Variants in SLC4A8 observed in about 807,000 individuals in gnomAD.
The protein encoded by SLC4A8 is electroneutral sodium bicarbonate exchanger 1.
A neutral mutation model predicts 125.0 loss-of-function variants in SLC4A8; 40 were observed. The observed-to-expected ratio is 0.32, with a 90% CI of 0.25 to 0.42. The LOEUF is 0.42. Among genes scored for constraint, SLC4A8 ranks in the 10% least tolerant of loss-of-function variants. SLC4A8 has a pLI of 1.00. For synonymous variants in SLC4A8, 456 were observed against 476.0 expected (o/e 0.96, Z 0.55); for missense variants, 863 against 1,355.1 (o/e 0.64, Z 5.70).
intron 11 of SLC4A8, 76 bp from the exon 12 acceptor site, chr12:51,469,538 C>CA: frequency 3.8e-6 from 5 of 1,312,268 alleles, no homozygotes; most frequent in African/African-American, 1.5e-5. Flanking sequence ...ATTTGAAATG[C>CA]TTTCAAATGT....
chr12:51,497,688 A>ATAAG (rs1429964599), intron 22 of SLC4A8: 4 of 152,412 alleles, frequency 2.6e-5, no homozygotes. Flanking sequence ...GTGTTTCCAA[A>ATAAG]TACAGTTAGT....
At position 51,451,025 on chromosome 12, in the gene SLC4A8, A is replaced by C; in HGVS notation, c.277+3A>C. On this transcript the variant is annotated splice_donor_region_variant and intron_variant, in intron 3 of 24. Coordinates refer to ENST00000453097, the MANE Select transcript of SLC4A8 (RefSeq NM_001039960.3). ...AGGCCTGGAAGCCCTGGCCCACGGTAAGGGCCTTGGGAGACAGGGCGGGTG... is the reference window on the plus strand; with the variant it reads ...AGGCCTGGAAGCCCTGGCCCACGGTCAGGGCCTTGGGAGACAGGGCGGGTG... The C allele has an allele frequency of 6.6e-7, 1 of 1,504,722 alleles. No homozygotes were observed. The highest frequency in any genetic ancestry group is 8.9e-7 in the Non-Finnish European group (1 of 1,125,214). The allele number at this position is 1,504,722 out of a possible 1,614,324, so 93.2% of individuals were successfully genotyped here.
chr12:51,420,588 A>G (rs978102028), upstream of SLC4A8, among the ~76,000 whole-genome samples: 1 of 152,208 alleles, frequency 6.6e-6, no homozygotes, highest in Non-Finnish European at 1.5e-5. Flanking sequence ...TTATCTGAAA[A>G]AGAGAATCCA....
chr12:51,418,670 GA>G (rs1454251350), intron 1 of SLC4A8, among the ~76,000 whole-genome samples: 1 of 152,080 alleles, frequency 6.6e-6, no homozygotes, highest in Non-Finnish European at 1.5e-5. Flanking sequence ...GTTAGAGATA[GA>G]AAAAAGATAA....
At position 51,425,000 on chromosome 12, in the gene SLC4A8, G is replaced by C. The variant is rs949068309; in HGVS notation, c.13G>C (p.Gly5Arg). The C allele has an allele frequency of 1.3e-6, 2 of 1,556,268 alleles. No individual in the cohort carries two copies. The highest frequency in any genetic ancestry group is 2.7e-5 in the African/African-American group (2 of 73,290). ...GTTCGGCTCCGCCATGCCGGCCGCC[G>C]GGAGTAACGAGCCGGACGGCGTCCT... MPAAGSNEPDGVLSY... is the reference protein window; with the variant it reads MPAARSNEPDGVLSY... Residue 5 changes from glycine (G) to arginine (R), a missense_variant, in exon 1 of 25, where the codon GGG becomes CGG. By Grantham distance (125) the Gly-to-Arg change is moderately radical (BLOSUM62 -2). Around this residue, in one of 6 missense-constraint regions of SLC4A8, gnomAD observed 104 missense variants for 116.4 expected, o/e 0.89. Transcript: ENST00000453097.
intron 7 of SLC4A8, 52 bp from the exon 8 acceptor site, chr12:51,459,899 A>C: frequency 6.7e-7 from 1 of 1,487,888 alleles, no homozygotes. Context: ...TTTAAAAACG[A>C]TATTTAAGGT....
At chr12:51,433,533 A>T (rs1565771735) in intron 1 of SLC4A8, among the ~76,000 whole-genome samples, 1 of 152,214 alleles carries the variant, frequency 6.6e-6, no homozygotes, top group Admixed American at 6.5e-5. Context: ...AAAAGTGCAC[A>T]TTCACACATA....
chr12:51,477,454 T>C (rs1218703492), intron 16 of SLC4A8, among the ~76,000 whole-genome samples: 2 of 152,220 alleles, frequency 1.3e-5, no homozygotes, highest in African/African-American at 4.8e-5. Context: ...AGTTTATCCC[T>C]TTAAGTGCTG....
chr12:51,482,600 G>A (rs965376790), intron 16 of SLC4A8, among the ~76,000 whole-genome samples: 6 of 152,030 alleles, frequency 3.9e-5, no homozygotes, highest in East Asian at 3.9e-4. Flanking sequence ...GGCTGGTCTC[G>A]AATTCCTGAC....
chr12:51,475,546 G>C (rs1471039986), intron 16 of SLC4A8, among the ~76,000 whole-genome samples: 1 of 152,216 alleles, frequency 6.6e-6, no homozygotes, highest in East Asian at 1.9e-4. Context: ...GCTACAGCTG[G>C]CTCCTGAATA....
chr12:51,459,859 ACT>A (rs1446111040), intron 7 of SLC4A8, 90 bp from the exon 8 acceptor site: 2 of 1,115,648 alleles, frequency 1.8e-6, no homozygotes, highest in African/African-American at 3.1e-5. Flanking sequence ...ATGTAGTGAG[ACT>A]CTGTCTCAAA....
At chr12:51,399,818 C>T (rs1465866345) in intron 1 of SLC4A8, among the ~76,000 whole-genome samples, 2 of 152,200 alleles carry the variant, frequency 1.3e-5, no homozygotes, top group East Asian at 1.9e-4. Context: ...GCTGTCTCTA[C>T]TAAAATACAA....
At chr12:51,436,554 TC>T (rs1387603596) in intron 1 of SLC4A8, among the ~76,000 whole-genome samples, 4 of 152,170 alleles carry the variant, frequency 2.6e-5, no homozygotes, top group South Asian at 4.1e-4. Context: ...CCCTCCCTCC[TC>T]TCTAGGTAAC....
At position 51,504,022 on chromosome 12, in the gene SLC4A8, C is replaced by T. The variant is rs1354767479; in HGVS notation, c.3082-7C>T. On this transcript the variant is annotated splice_polypyrimidine_tract_variant and splice_region_variant and intron_variant, in intron 22 of 24. Transcript: ENST00000453097. ...CCAAGATATAATAATGTTTCTTTTT[C>T]TTCCAGGAGGCTGAGAAAATGTTAG... is the stretch of plus-strand genomic sequence containing the variant. 1 of 1,538,212 alleles carries T rather than the reference C, an allele frequency of 6.5e-7. No homozygotes were observed. The highest frequency in any genetic ancestry group is 8.9e-7 in the Non-Finnish European group (1 of 1,128,220).
chr12:51,451,227 C>A (rs1272633546), intron 3 of SLC4A8, among the ~76,000 whole-genome samples: 3 of 152,100 alleles, frequency 2.0e-5, no homozygotes, highest in African/African-American at 7.2e-5. Context: ...GGACTACAGG[C>A]GCCCGCCACC....
chr12:51,469,866 GA>G (rs1950641978), intron 12 of SLC4A8, 78 bp downstream of exon 12: 1 of 1,328,748 alleles, frequency 7.5e-7, no homozygotes, highest in Non-Finnish European at 1.1e-6. Context: ...CACTGTGGGG[GA>G]AATTACTTGG....
At chr12:51,431,365 T>C (rs746070109) in intron 1 of SLC4A8, among the ~76,000 whole-genome samples, 7 of 152,204 alleles carry the variant, frequency 4.6e-5, no homozygotes, top group Non-Finnish European at 2.9e-5. Context: ...TCACAAACTC[T>C]AGGGATTAGG....
At chr12:51,482,568 C>T (rs1197495035) in intron 16 of SLC4A8, among the ~76,000 whole-genome samples, 1 of 152,072 alleles carries the variant, frequency 6.6e-6, no homozygotes, top group African/African-American at 2.4e-5. Flanking sequence ...TTAGTAGTGA[C>T]AGAGTTTCAC....
chr12:51,438,336 G>C (rs1949486543), intron 1 of SLC4A8, among the ~76,000 whole-genome samples: 1 of 152,072 alleles, frequency 6.6e-6, no homozygotes, highest in Admixed American at 6.6e-5. Context: ...ACTTCTCTGA[G>C]ATCAACTTTT....
Sources: allele counts gnomAD v4.1 joint callset (sites outside exome capture counted in the v4.1 genomes callset), GRCh38; gene constraint gnomAD v4.1.1; regional missense constraint gnomAD v4.1.1; transcripts MANE v1.5; gene names NCBI Gene and HGNC (gene_info 2026-07-23, HGNC 2026-07-21).